The following PARN variants were observed in gnomAD, a reference collection of about 807,000 sequenced individuals.
PARN encodes the protein poly(A)-specific ribonuclease, also known as poly(A)-specific ribonuclease PARN.
In PARN, 71 loss-of-function variants were observed where a neutral mutation model predicts 102.8. The ratio of observed to expected loss-of-function variants is 0.69; its 90% CI spans 0.57 to 0.84. The LOEUF is 0.84. Among genes scored for constraint, PARN ranks in the 40% least tolerant of loss-of-function variants. The pLI is 0.00. For missense variants in PARN, 782 were observed against 760.9 expected (o/e 1.03, Z -0.33); for synonymous variants, 261 against 252.9 (o/e 1.03, Z -0.30).
chr16:14,603,657 T>A (rs930899929), intron 11 of PARN, among the ~76,000 whole-genome samples: 1 of 152,188 alleles, frequency 6.6e-6, no homozygotes, highest in Non-Finnish European at 1.5e-5. Flanking sequence ...CAACATCTCC[T>A]AGCTAGGTTA....
chr16:14,608,255 C>A (rs1026004773), intron 9 of PARN, 26 bp downstream of exon 9: 2 of 1,490,904 alleles, frequency 1.3e-6, no homozygotes, highest in South Asian at 2.5e-5. Flanking sequence ...CCCCACAGAG[C>A]TGCTGCATAC....
intron 14 of PARN, among the ~76,000 whole-genome samples, chr16:14,585,396 GA>G (rs1969789613): frequency 7.5e-6 from 1 of 133,816 alleles, no homozygotes; most frequent in Non-Finnish European, 1.6e-5. Context: ...ATATAAATGT[GA>G]ACAGAGTGGG....
intron 21 of PARN, among the ~76,000 whole-genome samples, chr16:14,510,519 T>A (rs945340601): frequency 3.9e-5 from 6 of 152,108 alleles, no homozygotes; most frequent in African/African-American, 1.4e-4. Flanking sequence ...TCCACAAGTA[T>A]GGAAGAAAAA....
chr16:14,564,128 G>A (rs1176703073), intron 18 of PARN, among the ~76,000 whole-genome samples: 2 of 152,136 alleles, frequency 1.3e-5, no homozygotes, highest in Non-Finnish European at 2.9e-5. Context: ...AACCTGAGCT[G>A]TCTCCATAGC....
At chr16:14,453,440 T>C (rs969217734) in intron 22 of PARN, among the ~76,000 whole-genome samples, 1 of 152,346 alleles carries the variant, frequency 6.6e-6, no homozygotes, top group East Asian at 1.9e-4. Context: ...ATATTCCCCA[T>C]TTTAAATTAG....
At chr16:14,521,864 TA>T (rs1267771483) in intron 21 of PARN, among the ~76,000 whole-genome samples, 1 of 152,150 alleles carries the variant, frequency 6.6e-6, no homozygotes, top group Admixed American at 6.5e-5. Context: ...TGGACCCCCT[TA>T]TACATGGTGG....
intron 7 of PARN, among the ~76,000 whole-genome samples, chr16:14,610,038 C>A (rs1437053171): frequency 6.6e-6 from 1 of 151,950 alleles, no homozygotes; most frequent in Non-Finnish European, 1.5e-5. Flanking sequence ...ATAGTGAGAT[C>A]CGTCTCTATT....
intron 21 of PARN, among the ~76,000 whole-genome samples, chr16:14,530,947 T>A (rs775940826): frequency 6.6e-6 from 1 of 151,862 alleles, no homozygotes; most frequent in Admixed American, 6.6e-5. Flanking sequence ...TTATCTGTAT[T>A]CATTCATTCA....
intron 21 of PARN, among the ~76,000 whole-genome samples, chr16:14,539,202 A>C (rs1000814752): frequency 6.6e-6 from 1 of 152,296 alleles, no homozygotes; most frequent in Admixed American, 6.5e-5. Flanking sequence ...CCTGGTGCCA[A>C]AGACTGCTGC....
intron 22 of PARN, among the ~76,000 whole-genome samples, chr16:14,460,117 T>C (rs1292243467): frequency 6.6e-6 from 1 of 152,168 alleles, no homozygotes; most frequent in Non-Finnish European, 1.5e-5. Flanking sequence ...ATAAAGGAAC[T>C]GAATCAGCCT....
chr16:14,495,778 G>C (rs1408380916), intron 21 of PARN, among the ~76,000 whole-genome samples: 1 of 152,196 alleles, frequency 6.6e-6, no homozygotes, highest in Non-Finnish European at 1.5e-5. Flanking sequence ...CCCTGAGAAG[G>C]GACTTGGAGC....
At chr16:14,627,423 T>C in intron 3 of PARN, 87 bp from the exon 4 acceptor site, 1 of 862,726 alleles carries the variant, frequency 1.2e-6, no homozygotes, top group Non-Finnish European at 1.9e-6. Flanking sequence ...GCTTTCTGAA[T>C]TACTCAATGA....
chr16:14,536,900 G>A (rs947103066), intron 21 of PARN, among the ~76,000 whole-genome samples: 1 of 152,090 alleles, frequency 6.6e-6, no homozygotes, highest in African/African-American at 2.4e-5. Flanking sequence ...AGATTTTACA[G>A]CTAAGACTTC....
chr16:14,625,755 G>A (rs907505015), intron 5 of PARN, among the ~76,000 whole-genome samples: 1 of 152,168 alleles, frequency 6.6e-6, no homozygotes, highest in African/African-American at 2.4e-5. Flanking sequence ...TCAATCACTT[G>A]AAGCCTACCC....
At chr16:14,452,663 T>C (rs1961516465) in intron 22 of PARN, among the ~76,000 whole-genome samples, 3 of 152,224 alleles carry the variant, frequency 2.0e-5, no homozygotes, top group South Asian at 4.1e-4. Flanking sequence ...ATTGCTAATC[T>C]GTATTTCTGC....
chr16:14,576,189 A>G (rs1485570226), intron 18 of PARN: 2 of 152,288 alleles, frequency 1.3e-5, no homozygotes. Context: ...ACATTTGTCC[A>G]AGAGCATATC....
chr16:14,630,182 C>T lies in PARN; in HGVS notation c.-57G>A, dbSNP rs1450636507. 4.0e-6 allele frequency: 6 copies of T among 1,494,036 alleles called. No homozygotes were observed. The highest frequency in any genetic ancestry group is 3.6e-6 in the Non-Finnish European group (4 of 1,101,238). 92.5% of individuals were successfully genotyped at this position (1,494,036 alleles called of 1,614,324 possible). Reference sequence around the variant, plus strand: ...CGGGCCCGCGCCCGCCTCAGCGGTTCTACTCGCCGAATTCCGCGGCGACTG... The same window carrying T: ...CGGGCCCGCGCCCGCCTCAGCGGTTTTACTCGCCGAATTCCGCGGCGACTG... On this transcript the variant is annotated 5_prime_UTR_variant, in exon 1 of 24. Transcript: ENST00000437198.
At chr16:14,590,274 G>GA (rs1212064093) in intron 13 of PARN, among the ~76,000 whole-genome samples, 5,160 of 69,174 alleles carry the variant, frequency 0.075, 152 homozygotes, top group Middle Eastern at 0.14. Flanking sequence ...AAAGAGAAGA[G>GA]AAAAAAAAAA....
chr16:14,544,353 T>C (rs1182488381), intron 21 of PARN, among the ~76,000 whole-genome samples: 3 of 152,040 alleles, frequency 2.0e-5, no homozygotes, highest in African/African-American at 7.2e-5. Flanking sequence ...TGCAGGTGGG[T>C]CACTTGAGGC....
Sources: allele counts gnomAD v4.1 joint callset (sites outside exome capture counted in the v4.1 genomes callset), GRCh38; gene constraint gnomAD v4.1.1; transcripts MANE v1.5; gene names NCBI Gene and HGNC (gene_info 2026-07-23, HGNC 2026-07-21).